Variants in DENND1B observed in about 807,000 individuals in gnomAD.
DENND1B encodes DENN domain-containing protein 1B.
In DENND1B, 59 loss-of-function variants were observed where a neutral mutation model predicts 90.1. The ratio of observed to expected loss-of-function variants is 0.65; its 90% CI spans 0.53 to 0.81. The LOEUF (loss-of-function observed/expected upper bound fraction) is 0.81. Among genes scored for constraint, DENND1B ranks in the 40% least tolerant of loss-of-function variants. The pLI, the probability that DENND1B is intolerant of heterozygous loss-of-function variation, is 0.00. For missense variants in DENND1B, 862 were observed against 912.6 expected, an observed-to-expected ratio of 0.94 and a Z score of 0.71; for synonymous variants, 337 against 324.6, an observed-to-expected ratio of 1.04 and a Z score of -0.41.
intron 10 of DENND1B, among the ~76,000 whole-genome samples, chr1:197,621,148 GA>G (rs767759443): frequency 1.1e-4 from 17 of 151,282 alleles, no homozygotes; most frequent in Non-Finnish European, 2.5e-4. Context: ...GTCAGATAGA[GA>G]AGCAGAATCA....
At chr1:197,757,372 A>T (rs962487082) in intron 2 of DENND1B, 1 of 152,222 alleles carries the variant, frequency 6.6e-6, no homozygotes, top group East Asian at 1.9e-4. Flanking sequence ...AACCATAAAG[A>T]GAACATCCCA....
intron 2 of DENND1B, among the ~76,000 whole-genome samples, chr1:197,770,138 C>A (rs1396094805): frequency 6.6e-6 from 1 of 152,086 alleles, no homozygotes; most frequent in Non-Finnish European, 1.5e-5. Context: ...GCTTACATGG[C>A]TGAGTTTAGT....
In DENND1B at chr1:197,508,247, C is replaced by T. The variant is rs548572526; in HGVS notation, c.*2213G>A. 2.0e-5 allele frequency: 3 copies of T among 151,752 alleles called. No homozygotes were observed. The highest frequency in any genetic ancestry group is 3.0e-5 in the Non-Finnish European group (2 of 67,752). The allele number at this position is 151,752 out of a possible 1,614,324, so 9.4% of individuals were successfully genotyped here. A position where few individuals can be genotyped will look rare whatever the true frequency, so the allele number is the denominator to read the frequency against. On this transcript the variant is annotated 3_prime_UTR_variant, in exon 23 of 23. Coordinates refer to ENST00000620048, the MANE Select transcript of DENND1B (RefSeq NM_001195215.2). ...TTAAAATGCTGATTTGCATTCTTTTCACAAATTATGAAGGAATATTTGCCA... is the reference window on the plus strand; with the variant it reads ...TTAAAATGCTGATTTGCATTCTTTTTACAAATTATGAAGGAATATTTGCCA...
chr1:197,781,308 A>G, the DENND1B span, among the ~76,000 whole-genome samples: 1 of 152,192 alleles, frequency 6.6e-6, no homozygotes, highest in Non-Finnish European at 1.5e-5. Context: ...TATCCAAGTC[A>G]GGCATTTCCT....
intron 20 of DENND1B, among the ~76,000 whole-genome samples, chr1:197,524,090 CAAAG>C (rs756682283): frequency 1.3e-5 from 2 of 151,480 alleles, no homozygotes; most frequent in Non-Finnish European, 2.9e-5. Context: ...AAATGAAACA[CAAAG>C]GAAGAAGAGA....
chr1:197,578,909 T>G (rs1452499859), intron 15 of DENND1B, among the ~76,000 whole-genome samples: 2 of 151,970 alleles, frequency 1.3e-5, no homozygotes, highest in Admixed American at 6.6e-5. Flanking sequence ...GAACTACAGG[T>G]GTGCACCACA....
Position 197,507,812 on chromosome 1 carries a change from T to G in DENND1B, c.*2648A>C, listed in dbSNP as rs1667796985. 1 of 151,726 alleles carries G rather than the reference T, an allele frequency of 6.6e-6. No individual in the cohort carries two copies. The highest frequency in any genetic ancestry group is 2.4e-5 in the African/African-American group (1 of 41,478). The allele number at this position is 151,726 out of a possible 1,614,324, so 9.4% of individuals were successfully genotyped here. ...CACCATAATACTAGGAAGTCTAAGT[T>G]TAAGAGCAGACTTTGAATATTCAAA... On this transcript the variant is annotated 3_prime_UTR_variant, in exon 23 of 23. Transcript: ENST00000620048.
chr1:197,660,013 T>C (rs1474198765), intron 5 of DENND1B, among the ~76,000 whole-genome samples: 1 of 151,834 alleles, frequency 6.6e-6, no homozygotes, highest in Non-Finnish European at 1.5e-5. Flanking sequence ...AACTTATATT[T>C]AATATCCTTA....
chr1:197,734,703 G>A, intron 2 of DENND1B: 6 of 984,766 alleles, frequency 6.1e-6, no homozygotes, highest in Non-Finnish European at 7.2e-6. Flanking sequence ...TGTAACTACT[G>A]TATACAGGAT....
intron 13 of DENND1B, among the ~76,000 whole-genome samples, chr1:197,604,020 T>C (rs1676439342): frequency 6.6e-6 from 1 of 151,236 alleles, no homozygotes; most frequent in Non-Finnish European, 1.5e-5. Context: ...TTTCAAAACA[T>C]TCAAACTATA....
chr1:197,588,962 G>GA (rs1453582445), intron 14 of DENND1B, among the ~76,000 whole-genome samples: 1 of 151,804 alleles, frequency 6.6e-6, no homozygotes, highest in South Asian at 2.1e-4. Context: ...GATCTGTCTT[G>GA]AAAAAAGAAA....
chr1:197,771,235 G>A (rs753700436), intron 2 of DENND1B, among the ~76,000 whole-genome samples: 4 of 152,020 alleles, frequency 2.6e-5, no homozygotes, highest in South Asian at 2.1e-4. Flanking sequence ...TCAGATGAGC[G>A]TTACTTCACG....
chr1:197,565,652 A>G (rs1468142715), intron 15 of DENND1B, among the ~76,000 whole-genome samples: 2 of 86,804 alleles, frequency 2.3e-5, no homozygotes, highest in East Asian at 8.1e-4. Flanking sequence ...CCCCCACCCC[A>G]CAACAGTCCC....
intron 4 of DENND1B, among the ~76,000 whole-genome samples, chr1:197,673,089 C>T (rs1467183420): frequency 6.6e-6 from 1 of 151,906 alleles, no homozygotes; most frequent in African/African-American, 2.4e-5. Flanking sequence ...TGTTGCATTT[C>T]AAATGCTGAA....
chr1:197,580,989 A>G (rs1322579648), intron 15 of DENND1B, among the ~76,000 whole-genome samples: 1 of 152,178 alleles, frequency 6.6e-6, no homozygotes, highest in Non-Finnish European at 1.5e-5. Context: ...CCTTAAAATT[A>G]TATGCTGCTC....
chr1:197,571,023 T>C (rs926023029), intron 15 of DENND1B, among the ~76,000 whole-genome samples: 1 of 151,896 alleles, frequency 6.6e-6, no homozygotes, highest in African/African-American at 2.4e-5. Context: ...CTCTGATTTC[T>C]TATTTCTCTC....
intron 2 of DENND1B, among the ~76,000 whole-genome samples, chr1:197,741,949 G>A (rs186540751): frequency 4.6e-5 from 7 of 152,212 alleles, no homozygotes; most frequent in African/African-American, 1.4e-4. Context: ...TCAATAAAAT[G>A]AGGATAGCTA....
intron 3 of DENND1B, among the ~76,000 whole-genome samples, chr1:197,696,751 C>T (rs1007612451): frequency 5.3e-5 from 8 of 151,406 alleles, no homozygotes; most frequent in African/African-American, 1.5e-4. Flanking sequence ...TGACTTGTCA[C>T]TCATTCAACT....
At chr1:197,738,666 A>G (rs1375329278) in intron 2 of DENND1B, among the ~76,000 whole-genome samples, 1 of 152,238 alleles carries the variant, frequency 6.6e-6, no homozygotes, top group Non-Finnish European at 1.5e-5. Flanking sequence ...CCATAGATGC[A>G]GAATGTTAAA....
Sources: allele counts gnomAD v4.1 joint callset (sites outside exome capture counted in the v4.1 genomes callset), GRCh38; gene constraint gnomAD v4.1.1; transcripts MANE v1.5; gene names NCBI Gene and HGNC (gene_info 2026-07-23, HGNC 2026-07-21).